The following CUL2 variants were observed in gnomAD, a reference collection of about 807,000 sequenced individuals.
The protein encoded by CUL2 is cullin 2.
Under a neutral mutation model 110.2 loss-of-function variants are expected in CUL2, and 22 were observed. The ratio of observed to expected loss-of-function variants is 0.20; its 90% CI spans 0.14 to 0.28. The LOEUF is 0.28. Ranked by LOEUF, CUL2 falls within the 10% of genes least tolerant of loss-of-function variation. CUL2 has a pLI of 1.00. For missense variants in CUL2, 631 were observed against 905.5 expected (o/e 0.70, Z 3.89); for synonymous variants, 279 against 293.2 (o/e 0.95, Z 0.49).
intron 12 of CUL2, among the ~76,000 whole-genome samples, chr10:35,032,121 T>G (rs2085494822): frequency 6.6e-6 from 1 of 152,200 alleles, no homozygotes. Context: ...TAAGCAAGTT[T>G]CCTTCAAAGG....
intron 1 of CUL2, chr10:35,118,682 GTGCTCAT>G (rs9299719): frequency 0.97 from 147,183 of 152,038 alleles, 71,429 homozygotes; most frequent in East Asian, 1. Flanking sequence ...TTTTCCCTCT[GTGCTCAT>G]TGCTCATACT....
upstream of CUL2, chr10:35,090,720 A>G (rs28694357): frequency 6.6e-6 from 1 of 152,358 alleles, no homozygotes; most frequent in African/African-American, 2.4e-5. Context: ...TAATATTCCA[A>G]GTGATTCCTT....
At chr10:35,067,907 AC>A (rs1255167337) in intron 2 of CUL2, among the ~76,000 whole-genome samples, 1 of 152,014 alleles carries the variant, frequency 6.6e-6, no homozygotes, top group Non-Finnish European at 1.5e-5. Flanking sequence ...GGAGATCGAG[AC>A]CATCCTGGTT....
In CUL2 at chr10:35,095,699, C is replaced by A. The variant is rs74546120; in HGVS notation, c.167+5145G>T. 5.4e-3 allele frequency among the ~76,000 whole-genome samples: 821 copies of A among 152,224 alleles called. 9 individuals carry two copies. Among genetic ancestry groups the A allele is most frequent in the African/African-American group, 0.019 (790 of 41,552 alleles). On this transcript the variant is annotated intron_variant, in intron 2 of 5. Coordinates refer to the CUL2 transcript ENST00000685421. ...TCAGACTCCCGAGTAGCTGGAACTA[C>A]AGGCACATGCCAATACACCCAGCGA...
At chr10:35,035,742 C>A (rs2085605608) in intron 9 of CUL2, among the ~76,000 whole-genome samples, 1 of 152,094 alleles carries the variant, frequency 6.6e-6, no homozygotes, top group Admixed American at 6.5e-5. Flanking sequence ...ATGTTGCAAT[C>A]AATAATCTTA....
chr10:35,024,915 A>T (rs2134685786), intron 17 of CUL2, among the ~76,000 whole-genome samples: 1 of 152,296 alleles, frequency 6.6e-6, no homozygotes. Context: ...TAAAGTCAGA[A>T]CATTTCTTTA....
intron 5 of CUL2, among the ~76,000 whole-genome samples, chr10:35,052,723 G>A (rs1038406271): frequency 5.3e-5 from 8 of 151,684 alleles, no homozygotes; most frequent in Non-Finnish European, 8.8e-5. Flanking sequence ...GTGAAACCCC[G>A]CCTCTACTAA....
At position 35,054,534 on chromosome 10, in the gene CUL2, A is replaced by AGCT; in HGVS notation, c.322_323insAGC (p.Tyr107_Leu108insGln). 6.5e-7 allele frequency: 1 copy of AGCT among 1,549,678 alleles called. No individual in the cohort carries two copies. Among genetic ancestry groups the AGCT allele is most frequent in the South Asian group, 1.2e-5 (1 of 85,118 alleles). ...ATTCTTTTTAATAAACTGGGTGTTG[A>AGCT]GATACCTGGAAAATAAATGTAATAT... On this transcript the variant is annotated inframe_insertion, in exon 5 of 21. Transcript: ENST00000374749.
intron 4 of CUL2, 44 bp from the exon 5 acceptor site, chr10:35,054,583 G>A: frequency 2.8e-6 from 3 of 1,090,578 alleles, no homozygotes; most frequent in Non-Finnish European, 4.0e-6. Flanking sequence ...GTTAAAGTCA[G>A]TAGGAAAGCA....
intron 1 of CUL2, among the ~76,000 whole-genome samples, chr10:35,102,983 CCTGT>C (rs2087404038): frequency 6.6e-6 from 1 of 152,188 alleles, no homozygotes; most frequent in South Asian, 2.1e-4. Flanking sequence ...AACAATGCTG[CCTGT>C]CTATTATGGG....
chr10:35,114,099 T>G (rs1179844277), intron 1 of CUL2, among the ~76,000 whole-genome samples: 3 of 148,514 alleles, frequency 2.0e-5, no homozygotes, highest in Non-Finnish European at 3.0e-5. Context: ...TTTTTTGGTA[T>G]CTTTAGTTGA....
At chr10:35,056,279 A>G (rs972210621) in intron 4 of CUL2, among the ~76,000 whole-genome samples, 1 of 152,234 alleles carries the variant, frequency 6.6e-6, no homozygotes, top group Non-Finnish European at 1.5e-5. Flanking sequence ...AAAAGCTAAC[A>G]GTAGAACACA....
At position 35,044,661 on chromosome 10, in the gene CUL2, A is replaced by C. The variant is rs2085888771; in HGVS notation, c.619T>G (p.Phe207Val). 5 of 1,607,982 alleles carry C rather than the reference A, an allele frequency of 3.1e-6. No homozygotes were observed. Among genetic ancestry groups the C allele is most frequent in the Admixed American group, 3.4e-5 (2 of 59,140 alleles). The change falls in exon 8 of 21, where the codon TTT becomes GTT. Residue 207 changes from phenylalanine (F) to valine (V), a missense_variant. Transcript: ENST00000374749. ...KFPLKFYQEI[F>V]ESPFLTETGE... ...GTTTCAGTCAGAAAGGGAGACTCAA[A>C]AATTTCCTGATAAAACTGAATAAAT...
chr10:35,047,794 A>C (rs954737802), intron 6 of CUL2, among the ~76,000 whole-genome samples: 25 of 151,692 alleles, frequency 1.6e-4, no homozygotes, highest in African/African-American at 6.1e-4. Context: ...GTGCCCAGCT[A>C]CTCGGGAGGC....
intron 1 of CUL2, among the ~76,000 whole-genome samples, chr10:35,116,009 A>C (rs1299489969): frequency 6.6e-6 from 1 of 152,182 alleles, no homozygotes; most frequent in African/African-American, 2.4e-5. Flanking sequence ...GGCTTGAAAG[A>C]TGATATCACT....
chr10:35,095,906 A>T (rs1372433374), intron 2 of CUL2, among the ~76,000 whole-genome samples: 1 of 152,032 alleles, frequency 6.6e-6, no homozygotes, highest in Non-Finnish European at 1.5e-5. Context: ...ATTTTGGGAT[A>T]CCCCTAGATA....
intron 16 of CUL2, among the ~76,000 whole-genome samples, chr10:35,028,024 CAT>C (rs1381428570): frequency 5.3e-5 from 8 of 152,272 alleles, no homozygotes; most frequent in Admixed American, 2.6e-4. Flanking sequence ...ATCAGGGACA[CAT>C]GATATTTAAA....
At chr10:35,086,900 T>G (rs189700929) in intron 1 of CUL2, among the ~76,000 whole-genome samples, 3 of 152,360 alleles carry the variant, frequency 2.0e-5, no homozygotes, top group African/African-American at 7.2e-5. Flanking sequence ...TACTACTGTT[T>G]CTGCAAAGTG....
intron 5 of CUL2, among the ~76,000 whole-genome samples, chr10:35,051,479 G>A (rs1407549538): frequency 1.3e-5 from 2 of 152,036 alleles, no homozygotes; most frequent in Non-Finnish European, 2.9e-5. Context: ...CGGGCGAGGT[G>A]GCGGGCGCCT....
Sources: allele counts gnomAD v4.1 joint callset (sites outside exome capture counted in the v4.1 genomes callset), GRCh38; gene constraint gnomAD v4.1.1; transcripts MANE v1.5; gene names NCBI Gene and HGNC (gene_info 2026-07-23, HGNC 2026-07-21).